CRLF3: variants seen among roughly 807,000 people sequenced by gnomAD.
CRLF3 encodes cytokine receptor like factor 3.
A neutral mutation model predicts 55.0 loss-of-function variants in CRLF3; 33 were observed. That is an observed-to-expected ratio of 0.60 (90% CI 0.46 to 0.80). The LOEUF is 0.80. Ranked by LOEUF, CRLF3 falls within the 30% of genes least tolerant of loss-of-function variation. The probability of loss-of-function intolerance (pLI) is 0.00; values close to 1 mark genes in which losing one functional copy is unlikely to be tolerated. For synonymous variants in CRLF3, 238 were observed against 196.8 expected (o/e 1.21, Z -1.75); for missense variants, 494 against 538.4 (o/e 0.92, Z 0.82).
At chr17:30,820,346 T>C (rs550745633) in intron 1 of CRLF3, among the ~76,000 whole-genome samples, 2 of 152,334 alleles carry the variant, frequency 1.3e-5, no homozygotes, top group African/African-American at 4.8e-5. Context: ...GATTTCTCAA[T>C]ACGAGACAAA....
At chr17:30,817,638 T>A (rs1234891090) in intron 1 of CRLF3, among the ~76,000 whole-genome samples, 1 of 152,076 alleles carries the variant, frequency 6.6e-6, no homozygotes, top group Non-Finnish European at 1.5e-5. Context: ...CCAGGCAGGG[T>A]GGCTCAAGCC....
rs377146196 is a variant in CRLF3 at position 30,819,405 on chromosome 17, C to CA, written c.129+5117dup. ...CAGGCCCTGACTTTGGCATTGTCATCAAGGTGGTGCCACTCTGTGAGGCCT... is the reference window on the plus strand; with the variant it reads ...CAGGCCCTGACTTTGGCATTGTCATCAAAGGTGGTGCCACTCTGTGAGGCCT... On this transcript the variant is annotated intron_variant, in intron 1 of 7. Transcript: ENST00000324238. Among the ~76,000 whole-genome samples, 646 of 152,348 alleles carry CA rather than the reference C, an allele frequency of 4.2e-3. 2 individuals carry two copies. Among genetic ancestry groups the CA allele is most frequent in the African/African-American group, 0.012 (481 of 41,584 alleles).
chr17:30,819,564 G>A (rs547080950), intron 1 of CRLF3, among the ~76,000 whole-genome samples: 5 of 152,142 alleles, frequency 3.3e-5, no homozygotes, highest in East Asian at 1.9e-4. Context: ...TGCAACCTCC[G>A]CCTGCCCGGC....
At chr17:30,814,029 G>C (rs1163942808) in intron 1 of CRLF3, among the ~76,000 whole-genome samples, 1 of 152,096 alleles carries the variant, frequency 6.6e-6, no homozygotes, top group East Asian at 1.9e-4. Context: ...GGCTAAGGCG[G>C]GCAGATCACT....
chr17:30,818,958 G>T (rs1217104741), intron 1 of CRLF3, among the ~76,000 whole-genome samples: 1 of 151,894 alleles, frequency 6.6e-6, no homozygotes, highest in African/African-American at 2.4e-5. Context: ...TGGAATTACA[G>T]GTGCATTCCA....
At chr17:30,798,499 A>G (rs989238281) in intron 2 of CRLF3, among the ~76,000 whole-genome samples, 5 of 152,128 alleles carry the variant, frequency 3.3e-5, no homozygotes, top group African/African-American at 4.8e-5. Flanking sequence ...CCCTGTAGTT[A>G]CTCAAGTTTT....
intron 1 of CRLF3, among the ~76,000 whole-genome samples, chr17:30,823,091 G>A (rs893232991): frequency 1.0e-4 from 15 of 149,918 alleles, no homozygotes; most frequent in African/African-American, 1.7e-4. Context: ...CCGGCCGGGC[G>A]CGGTGGCTCA....
chr17:30,809,531 C>G (rs907085801), intron 1 of CRLF3: 6 of 152,194 alleles, frequency 3.9e-5, no homozygotes, highest in African/African-American at 1.4e-4. Context: ...TCACAATGCA[C>G]TTTCAGAAAG....
At chr17:30,803,642 T>G (rs1972040066) in intron 2 of CRLF3, 1 of 422,068 alleles carries the variant, frequency 2.4e-6, no homozygotes, top group Non-Finnish European at 4.3e-6. Flanking sequence ...ACACTGTTCT[T>G]GGTAGTGAAT....
intron 2 of CRLF3, among the ~76,000 whole-genome samples, chr17:30,797,940 ATTTTTTTT>A (rs561112215): frequency 8.0e-6 from 1 of 125,236 alleles, no homozygotes; most frequent in African/African-American, 3.0e-5. Context: ...ATGCCCAGCT[ATTTTTTTT>A]TTTTTTTTTT....
rs977371880 is a variant in CRLF3, at chr17:30,782,688, CTT to C, written c.*1497_*1498del. On this transcript the variant is annotated 3_prime_UTR_variant, in exon 8 of 8. Transcript: ENST00000324238. ...AGAAGAAAAAAGTACACACACTGAA[CTT>C]TTTTAGTTTTTTATTTTGATTCCTA... 6.6e-6 allele frequency: 1 copy of C among 152,058 alleles called. No homozygotes were observed. Among genetic ancestry groups the C allele is most frequent in the East Asian group, 1.9e-4 (1 of 5,192 alleles). 9.4% of individuals were successfully genotyped at this position (152,058 alleles called of 1,614,324 possible). A position where few individuals can be genotyped will look rare whatever the true frequency, so the allele number is the denominator to read the frequency against.
At chr17:30,785,600 C>CT (rs1971624522) in intron 7 of CRLF3, among the ~76,000 whole-genome samples, 1 of 151,376 alleles carries the variant, frequency 6.6e-6, no homozygotes, top group African/African-American at 2.4e-5. Context: ...TGGGCAACAA[C>CT]TTATCTTTAC....
chr17:30,795,178 ATTTCCT>A (rs1971892649), intron 4 of CRLF3, among the ~76,000 whole-genome samples: 1 of 152,144 alleles, frequency 6.6e-6, no homozygotes, highest in African/African-American at 2.4e-5. Context: ...AGAAAAAAAA[ATTTCCT>A]TTTAATAAAA....
chr17:30,784,258 C>T lies in CRLF3; in HGVS notation c.1258G>A (p.Asp420Asn), dbSNP rs111760885. The T allele has an allele frequency of 1.2e-6, 2 of 1,613,380 alleles. No homozygotes were observed. Among genetic ancestry groups the T allele is most frequent in the Non-Finnish European group, 1.7e-6 (2 of 1,179,432 alleles). Residue 420 changes from aspartate to asparagine, a missense_variant, in exon 8 of 8, where the codon GAT (aspartate) becomes AAT (asparagine). Physicochemically the swap from Asp to Asn is conservative, Grantham distance 23. Transcript: ENST00000324238. ...NREVVFDWLL[D>N]QSCGSLYFGC... ...AAGTAAAGAGAACCACAAGACTGAT[C>T]AAGTAACCAGTCAAAAACCACTTCT...
intron 1 of CRLF3, among the ~76,000 whole-genome samples, chr17:30,806,390 G>T (rs974708692): frequency 6.6e-6 from 1 of 152,178 alleles, no homozygotes; most frequent in Non-Finnish European, 1.5e-5. Flanking sequence ...GAAGAATCAT[G>T]TAGGCTACTT....
At chr17:30,810,439 GCCTGT>G (rs1904577003) in intron 1 of CRLF3, among the ~76,000 whole-genome samples, 2 of 152,052 alleles carry the variant, frequency 1.3e-5, no homozygotes, top group African/African-American at 4.8e-5. Flanking sequence ...AGTGGTGCAC[GCCTGT>G]AGTCCCAGCT....
intron 1 of CRLF3, among the ~76,000 whole-genome samples, chr17:30,812,323 G>A (rs137891769): frequency 3.9e-5 from 6 of 152,096 alleles, no homozygotes; most frequent in Middle Eastern, 3.4e-3. Flanking sequence ...GTACCTGTAT[G>A]CCAGGTAAAT....
chr17:30,810,748 C>A (rs1160940587), intron 1 of CRLF3, among the ~76,000 whole-genome samples: 1 of 152,102 alleles, frequency 6.6e-6, no homozygotes, highest in African/African-American at 2.4e-5. Context: ...TCCTTCACAA[C>A]CCTCCAAAAC....
rs946439546 is a variant in CRLF3 at position 30,793,348 on chromosome 17, C to T, written c.826+102G>A. 3.1e-5 allele frequency: 25 copies of T among 811,592 alleles called. No homozygotes were observed. In the African/African-American group the frequency reaches 3.8e-4, roughly 12 times the overall value. 50.3% of individuals were successfully genotyped at this position (811,592 alleles called of 1,614,324 possible). On this transcript the variant is annotated intron_variant, in intron 5 of 7. Coordinates refer to ENST00000324238, the MANE Select transcript of CRLF3 (RefSeq NM_015986.4). ...CATGTTGTTCTTATCAATTCAGGAT[C>T]TATGCTTAGAATAGCTGGTTGTCAG...
Sources: gnomAD v4.1 joint callset for allele counts (sites outside exome capture counted in the v4.1 genomes callset) on GRCh38, gnomAD v4.1.1 for gene constraint, MANE v1.5 for transcripts, NCBI Gene and HGNC (gene_info 2026-07-23, HGNC 2026-07-21) for gene names.